LHFPL6: variants seen among roughly 807,000 people sequenced by gnomAD.
LHFPL6 encodes LHFPL tetraspan subfamily member 6 protein.
Under a neutral mutation model 20.6 loss-of-function variants are expected in LHFPL6, and 9 were observed. That is an observed-to-expected ratio of 0.44 (90% confidence interval 0.26 to 0.76). The LOEUF (loss-of-function observed/expected upper bound fraction) is 0.76. Ranked by LOEUF, LHFPL6 falls within the 30% of genes least tolerant of loss-of-function variation. The pLI, the probability that LHFPL6 is intolerant of heterozygous loss-of-function variation, is 0.20. For missense variants in LHFPL6, 218 were observed against 253.5 expected, an observed-to-expected ratio of 0.86 and a Z score of 0.95; for synonymous variants, 105 against 98.7, an observed-to-expected ratio of 1.06 and a Z score of -0.38.
At chr13:39,570,527 A>T (rs1871881151) in intron 2 of LHFPL6, among the ~76,000 whole-genome samples, 1 of 151,266 alleles carries the variant, frequency 6.6e-6, no homozygotes, top group Non-Finnish European at 1.5e-5. Context: ...TAATAGAGTA[A>T]TATATAATAG....
intron 2 of LHFPL6, among the ~76,000 whole-genome samples, chr13:39,521,277 T>G (rs1411102799): frequency 6.6e-6 from 1 of 152,148 alleles, no homozygotes; most frequent in Admixed American, 6.5e-5. Flanking sequence ...TATCCAGGGT[T>G]GCATGTTACA....
chr13:39,593,954 C>A (rs1310126283), intron 2 of LHFPL6, among the ~76,000 whole-genome samples: 1 of 152,124 alleles, frequency 6.6e-6, no homozygotes, highest in African/African-American at 2.4e-5. Context: ...ACACCTTATA[C>A]AAAAATCAAT....
rs922586413 is a variant in LHFPL6, at chr13:39,478,130, C to T, written c.386-99604G>A. On this transcript the variant is annotated intron_variant, in intron 2 of 3. Transcript: ENST00000379589. ...GTGTTTACTGAGCACTTACTGTGTG[C>T]AGCACTGTTCTAGAGACGAGGGGGC... Among the ~76,000 whole-genome samples the T allele has an allele frequency of 4.6e-5, 7 of 152,134 alleles. No homozygotes were observed. The East Asian group carries it at 1.4e-3, about 29-fold the overall frequency.
chr13:39,451,856 T>C (rs1203334420), intron 2 of LHFPL6, among the ~76,000 whole-genome samples: 1 of 152,170 alleles, frequency 6.6e-6, no homozygotes. Context: ...CTGTTAAATA[T>C]TGTGAGAAAA....
At chr13:39,388,895 G>A (rs543613844) in intron 2 of LHFPL6, among the ~76,000 whole-genome samples, 13 of 152,164 alleles carry the variant, frequency 8.5e-5, no homozygotes, top group South Asian at 4.2e-4. Flanking sequence ...TTTCCTTCCC[G>A]GCAGGCTTGT....
chr13:39,561,500 T>G (rs148534104), intron 2 of LHFPL6, among the ~76,000 whole-genome samples: 10 of 152,340 alleles, frequency 6.6e-5, no homozygotes, highest in African/African-American at 2.4e-4. Context: ...AGATGGGGTC[T>G]TGTTCTGTCA....
intron 2 of LHFPL6, among the ~76,000 whole-genome samples, chr13:39,512,398 C>G (rs1869743197): frequency 6.6e-6 from 1 of 151,848 alleles, no homozygotes; most frequent in East Asian, 1.9e-4. Context: ...GTCAGGTGAT[C>G]GAGACCATCC....
chr13:39,348,228 C>G (rs74044030), intron 3 of LHFPL6, among the ~76,000 whole-genome samples: 1,586 of 152,260 alleles, frequency 0.01, 30 homozygotes, highest in African/African-American at 0.037. Flanking sequence ...CTCTCTGTCC[C>G]TTTGCTGGTT....
intron 2 of LHFPL6, among the ~76,000 whole-genome samples, chr13:39,442,020 G>C (rs552441473): frequency 1.3e-5 from 2 of 151,630 alleles, no homozygotes; most frequent in Non-Finnish European, 2.9e-5. Flanking sequence ...GTAGAGACAG[G>C]GTTTTACCAC....
intron 2 of LHFPL6, among the ~76,000 whole-genome samples, chr13:39,392,836 T>C (rs1003193286): frequency 1.3e-5 from 2 of 151,800 alleles, no homozygotes; most frequent in African/African-American, 4.8e-5. Flanking sequence ...ATGTGTAAAA[T>C]ATATTTATAA....
chr13:39,359,882 A>C (rs1250463764), intron 3 of LHFPL6, among the ~76,000 whole-genome samples: 1 of 152,156 alleles, frequency 6.6e-6, no homozygotes, highest in Non-Finnish European at 1.5e-5. Flanking sequence ...GATTTAGAGG[A>C]CTGCATGGTA....
intron 2 of LHFPL6, among the ~76,000 whole-genome samples, chr13:39,494,406 AC>A (rs1295385265): frequency 6.6e-6 from 1 of 152,200 alleles, no homozygotes; most frequent in East Asian, 1.9e-4. Context: ...ATTGAAGGAT[AC>A]AGAAGGTAAG....
intron 2 of LHFPL6, among the ~76,000 whole-genome samples, chr13:39,401,594 T>A (rs1334464762): frequency 6.6e-6 from 1 of 152,206 alleles, no homozygotes; most frequent in Non-Finnish European, 1.5e-5. Context: ...ATATGCTCAG[T>A]GTTTTCCTTC....
At chr13:39,468,464 G>C (rs1455230857) in intron 2 of LHFPL6, among the ~76,000 whole-genome samples, 2 of 150,806 alleles carry the variant, frequency 1.3e-5, no homozygotes, top group Admixed American at 6.6e-5. Context: ...GAACAATTTG[G>C]TATTGAGCAG....
At chr13:39,348,989 T>C (rs1869486990) in intron 3 of LHFPL6, among the ~76,000 whole-genome samples, 1 of 152,156 alleles carries the variant, frequency 6.6e-6, no homozygotes, top group Non-Finnish European at 1.5e-5. Context: ...GAGTGTAACA[T>C]AATAGCAGAA....
At chr13:39,545,069 C>G (rs1428777287) in intron 2 of LHFPL6, among the ~76,000 whole-genome samples, 1 of 151,540 alleles carries the variant, frequency 6.6e-6, no homozygotes, top group Non-Finnish European at 1.5e-5. Context: ...GGTGAAACCC[C>G]TGTCTCTACT....
rs567285091 is a variant in LHFPL6 at position 39,562,614 on chromosome 13, A to G, written c.385+38218T>C. On this transcript the variant is annotated intron_variant, in intron 2 of 3. Transcript: ENST00000379589. ...TACATATATACACATATACATATAT[A>G]CACATATATACACACATATATATAC... Among the ~76,000 whole-genome samples, 301 of 64,754 alleles carry G rather than the reference A, an allele frequency of 4.6e-3. 2 individuals carry two copies. Among genetic ancestry groups the G allele is most frequent in the African/African-American group, 0.013 (271 of 20,992 alleles). 42.5% of individuals were successfully genotyped at this position (64,754 alleles called of 152,430 possible).
intron 3 of LHFPL6, among the ~76,000 whole-genome samples, chr13:39,375,228 A>G (rs1870256857): frequency 6.6e-6 from 1 of 152,224 alleles, no homozygotes; most frequent in Non-Finnish European, 1.5e-5. Flanking sequence ...GAGCCATCTT[A>G]ACCAAGAATG....
In LHFPL6 at chr13:39,465,994, G is replaced by T. The variant is rs73175147; in HGVS notation, c.386-87468C>A. Among the ~76,000 whole-genome samples the T allele has an allele frequency of 5.6e-3, 849 of 152,136 alleles. 5 individuals are homozygous for T. The highest frequency in any genetic ancestry group is 0.017 in the Middle Eastern group (5 of 294). ...CTGGGATCCTAAGTGTGGCACTACT[G>T]GGTAGAACGTTCATGGTCTTCCCTG... is the stretch of plus-strand genomic sequence containing the variant. On this transcript the variant is annotated intron_variant, in intron 2 of 3. Coordinates refer to ENST00000379589, the MANE Select transcript of LHFPL6 (RefSeq NM_005780.3).
Sources: allele counts gnomAD v4.1 joint callset (sites outside exome capture counted in the v4.1 genomes callset), GRCh38; gene constraint gnomAD v4.1.1; transcripts MANE v1.5; gene names NCBI Gene and HGNC (gene_info 2026-07-23, HGNC 2026-07-21).